ZRANB3: variants seen among roughly 807,000 people sequenced by gnomAD.
ZRANB3 encodes the protein DNA annealing helicase and endonuclease ZRANB3.
A neutral mutation model predicts 133.8 loss-of-function variants in ZRANB3; 125 were observed. The ratio of observed to expected loss-of-function variants is 0.93; its 90% CI spans 0.81 to 1.08. The LOEUF (loss-of-function observed/expected upper bound fraction) is 1.08, where lower values mean the gene tolerates loss of function less well. ZRANB3 is among the 50% of genes least tolerant of loss of function. The probability of loss-of-function intolerance (pLI) is 0.00; values close to 1 mark genes in which losing one functional copy is unlikely to be tolerated. For missense variants in ZRANB3, 1,229 were observed against 1,275.5 expected (o/e 0.96, Z 0.56); for synonymous variants, 387 against 432.7 (o/e 0.89, Z 1.31).
intron 9 of ZRANB3, among the ~76,000 whole-genome samples, chr2:135,274,869 C>T (rs2105124996): frequency 6.6e-6 from 1 of 152,306 alleles, no homozygotes; most frequent in Admixed American, 6.5e-5. Flanking sequence ...TAACAAAGCA[C>T]ATCTTGCACC....
At chr2:135,246,997 G>C (rs79237638) in intron 12 of ZRANB3, among the ~76,000 whole-genome samples, 17 of 152,240 alleles carry the variant, frequency 1.1e-4, no homozygotes, top group African/African-American at 3.9e-4. Flanking sequence ...AAAAAATAAA[G>C]CACTTCAAAG....
chr2:135,349,935 C>T (rs1685121545), intron 5 of ZRANB3, 49 bp downstream of exon 5: 1 of 1,548,986 alleles, frequency 6.5e-7, no homozygotes, highest in African/African-American at 1.4e-5. Flanking sequence ...CAATACGCCT[C>T]CCACCCCCCT....
chr2:135,405,861 G>C (rs796688145), intron 2 of ZRANB3, among the ~76,000 whole-genome samples: 1 of 152,272 alleles, frequency 6.6e-6, no homozygotes, highest in East Asian at 1.9e-4. Flanking sequence ...GCCCACAAGA[G>C]AAAGCAGGAA....
chr2:135,294,825 C>T (rs978552574), intron 8 of ZRANB3, among the ~76,000 whole-genome samples: 7 of 151,972 alleles, frequency 4.6e-5, no homozygotes, highest in South Asian at 2.1e-4. Flanking sequence ...TCAAAGAACA[C>T]CTTTACTTCT....
At chr2:135,451,577 C>CA (rs141448099) in intron 2 of ZRANB3, among the ~76,000 whole-genome samples, 9,130 of 143,830 alleles carry the variant, frequency 0.063, 538 homozygotes, top group African/African-American at 0.16. Context: ...AACAAAAAAA[C>CA]AAAAAAAAAA....
chr2:135,383,336 A>T (rs769907132), intron 3 of ZRANB3, among the ~76,000 whole-genome samples: 1 of 152,222 alleles, frequency 6.6e-6, no homozygotes, highest in Non-Finnish European at 1.5e-5. Flanking sequence ...GAGCACACAG[A>T]TTCATAAAAC....
Position 135,234,335 on chromosome 2 carries a change from A to C in ZRANB3, c.1540-3408T>G, listed in dbSNP as rs577914737. 1.0e-3 allele frequency among the ~76,000 whole-genome samples: 159 copies of C among 152,286 alleles called. 1 individual carries two copies. The highest frequency in any genetic ancestry group is 3.5e-3 in the African/African-American group (147 of 41,550). On this transcript the variant is annotated intron_variant, in intron 12 of 20. Coordinates refer to ENST00000264159, the MANE Select transcript of ZRANB3 (RefSeq NM_032143.4). The stretch of plus-strand genomic sequence containing the variant: ...TACAAAGAGACTTAGTCTCCCACAC[A>C]ATAATAATCAGAGACTTTAACACCC...
intron 2 of ZRANB3, among the ~76,000 whole-genome samples, chr2:135,462,765 G>A (rs1202587977): frequency 6.6e-6 from 1 of 151,854 alleles, no homozygotes; most frequent in Admixed American, 6.6e-5. Context: ...GCTAGTTTTT[G>A]TATTTTTAGT....
chr2:135,465,454 T>C (rs1239689427), intron 2 of ZRANB3, among the ~76,000 whole-genome samples: 4 of 152,220 alleles, frequency 2.6e-5, no homozygotes, highest in African/African-American at 7.2e-5. Context: ...ATCTTACCCA[T>C]TGGTTCCTAT....
In ZRANB3 at chr2:135,364,802, T is replaced by C. The variant is rs551446909; in HGVS notation, c.181-11174A>G. On this transcript the variant is annotated intron_variant, in intron 3 of 20. Coordinates refer to ENST00000264159, the MANE Select transcript of ZRANB3 (RefSeq NM_032143.4). Reference sequence around the variant, plus strand: ...ACGGTGGCTAACGCCTGTAATCCCATCACTTTGGGAGGCCGAGGCGGGCAG... The same window carrying C: ...ACGGTGGCTAACGCCTGTAATCCCACCACTTTGGGAGGCCGAGGCGGGCAG... Among the ~76,000 whole-genome samples, 452 of 150,310 alleles carry C rather than the reference T, an allele frequency of 3.0e-3. 3 individuals are homozygous for C. Among genetic ancestry groups the C allele is most frequent in the African/African-American group, 0.01 (421 of 40,900 alleles).
chr2:135,516,701 A>T (rs1168752578), intron 1 of ZRANB3, among the ~76,000 whole-genome samples: 1 of 152,088 alleles, frequency 6.6e-6, no homozygotes, highest in African/African-American at 2.4e-5. Context: ...GGCTGCCCTT[A>T]ACATTTTTTC....
chr2:135,260,027 T>C (rs903279184), intron 12 of ZRANB3, among the ~76,000 whole-genome samples: 3 of 152,204 alleles, frequency 2.0e-5, no homozygotes, highest in Non-Finnish European at 4.4e-5. Flanking sequence ...ACTTGTTAGA[T>C]GAAGGCAGCA....
At chr2:135,372,658 G>A (rs1044957610) in intron 3 of ZRANB3, among the ~76,000 whole-genome samples, 2 of 152,178 alleles carry the variant, frequency 1.3e-5, no homozygotes, top group South Asian at 4.2e-4. Context: ...GTGGTGGTGG[G>A]TGCCTGTAGT....
intron 2 of ZRANB3, among the ~76,000 whole-genome samples, chr2:135,498,928 C>T (rs1023213321): frequency 1.9e-4 from 29 of 152,186 alleles, no homozygotes; most frequent in Non-Finnish European, 4.0e-4. Context: ...AATGACAATG[C>T]GTGCCTGAAA....
intron 1 of ZRANB3, among the ~76,000 whole-genome samples, chr2:135,524,430 C>T (rs2104846218): frequency 6.6e-6 from 1 of 152,124 alleles, no homozygotes; most frequent in East Asian, 1.9e-4. Flanking sequence ...TAGAATGACC[C>T]ATTGATTCTC....
At chr2:135,278,808 T>A (rs182818209) in intron 8 of ZRANB3, among the ~76,000 whole-genome samples, 1 of 152,202 alleles carries the variant, frequency 6.6e-6, no homozygotes, top group Non-Finnish European at 1.5e-5. Flanking sequence ...GTAAATGTTA[T>A]AAATATGGTT....
In ZRANB3 at chr2:135,221,325, A is replaced by C. The variant is rs531324985; in HGVS notation, c.2251-2147T>G. On this transcript the variant is annotated intron_variant, in intron 15 of 20. Transcript: ENST00000264159. ...TGTAAGTATTTAGAACAGTCATAAA[A>C]ATATATTTGAGACCATTAACAGAGA... Among the ~76,000 whole-genome samples the C allele has an allele frequency of 2.0e-5, 3 of 152,270 alleles. No homozygotes were observed. In the South Asian group the frequency reaches 6.2e-4, roughly 32 times the overall value.
intron 12 of ZRANB3, among the ~76,000 whole-genome samples, chr2:135,253,974 T>C (rs980896051): frequency 2.0e-5 from 3 of 152,244 alleles, no homozygotes; most frequent in African/African-American, 7.2e-5. Flanking sequence ...TGACACTACA[T>C]ACTTCCAGAA....
At chr2:135,324,314 G>A (rs1010834430) in intron 6 of ZRANB3, among the ~76,000 whole-genome samples, 17 of 149,652 alleles carry the variant, frequency 1.1e-4, no homozygotes, top group Non-Finnish European at 4.4e-5. Context: ...TCCCACCTAT[G>A]AGTGAGAATA....
Sources: gnomAD v4.1 joint callset for allele counts (sites outside exome capture counted in the v4.1 genomes callset) on GRCh38, gnomAD v4.1.1 for gene constraint, MANE v1.5 for transcripts, NCBI Gene and HGNC (gene_info 2026-07-23, HGNC 2026-07-21) for gene names.